Variants in KTN1 observed in about 807,000 individuals in gnomAD.
The protein encoded by KTN1 is kinectin.
A neutral mutation model predicts 222.5 loss-of-function variants in KTN1; 130 were observed. The observed-to-expected ratio is 0.58, with a 90% CI of 0.51 to 0.68. The LOEUF (loss-of-function observed/expected upper bound fraction) is 0.68, where lower values mean the gene tolerates loss of function less well. KTN1 is among the 30% of genes least tolerant of loss of function. KTN1 has a pLI of 0.00. For synonymous variants in KTN1, 512 were observed against 496.3 expected, an observed-to-expected ratio of 1.03 and a Z score of -0.42; for missense variants, 1,508 against 1,500.4, an observed-to-expected ratio of 1.01 and a Z score of -0.08.
intron 29 of KTN1, among the ~76,000 whole-genome samples, chr14:55,657,943 A>G (rs2043677756): frequency 6.6e-6 from 1 of 152,028 alleles, no homozygotes; most frequent in Non-Finnish European, 1.5e-5. Flanking sequence ...TTTTCTTCTA[A>G]TGTGTTTATA....
chr14:55,601,852 C>T (rs955214415), intron 1 of KTN1: 2 of 152,154 alleles, frequency 1.3e-5, no homozygotes, highest in Non-Finnish European at 2.9e-5. Flanking sequence ...TTCTCATTGC[C>T]TCAGCCTCCT....
In KTN1 at chr14:55,618,031, T is replaced by G. The variant is rs2038633234; in HGVS notation, c.729T>G (p.Ser243Arg). ...CTTTGATGGATAATGCTGACTCAAG[T>G]CCTGTGGTAGATAAGAGAGAGGTTA... is the stretch of plus-strand genomic sequence containing the variant. ...YIPLMDNADS[S>R]PVVDKREVID... is the part of the protein sequence containing the mutation. The change falls in exon 4 of 44, where the codon AGT (serine) becomes AGG (arginine). Residue 243 changes from serine (S) to arginine (R), a missense_variant. By Grantham distance (110) the Ser-to-Arg change is moderately radical. Coordinates refer to ENST00000395314, the MANE Select transcript of KTN1 (RefSeq NM_001079521.2). 1.2e-6 allele frequency: 2 copies of G among 1,612,582 alleles called. No individual in the cohort carries two copies. Among genetic ancestry groups the G allele is most frequent in the Non-Finnish European group, 8.5e-7 (1 of 1,178,890 alleles).
At chr14:55,652,748 C>G in intron 25 of KTN1, 102 bp from the exon 26 acceptor site, 1 of 714,880 alleles carries the variant, frequency 1.4e-6, no homozygotes, top group Non-Finnish European at 2.4e-6. Context: ...ATCAGCTGGT[C>G]TGTGAGTACT....
rs1175232948 is a variant in KTN1, at chr14:55,612,476, T to C, written c.428T>C (p.Val143Ala). Residue 143 changes from valine to alanine, a missense_variant, in exon 2 of 44, where the codon GTA becomes GCA. By Grantham distance (64) the Val-to-Ala change is moderately conservative. Coordinates refer to ENST00000395314, the MANE Select transcript of KTN1 (RefSeq NM_001079521.2). ...SDASKIPGKK[V>A]EPVPVTKQPT... ...GCATCAAAGATTCCTGGCAAAAAAG[T>C]AGAACCTGTCCCAGTTACTAAACAG... 2 of 1,614,056 alleles carry C rather than the reference T, an allele frequency of 1.2e-6. No individual in the cohort carries two copies. Among genetic ancestry groups the C allele is most frequent in the Non-Finnish European group, 1.7e-6 (2 of 1,179,964 alleles).
intron 1 of KTN1, among the ~76,000 whole-genome samples, chr14:55,606,823 T>A (rs1226529404): frequency 6.6e-6 from 1 of 152,170 alleles, no homozygotes; most frequent in Admixed American, 6.5e-5. Context: ...TAATCTCCCT[T>A]CAAAAAATGT....
At chr14:55,583,080 C>T (rs777582216) in intron 1 of KTN1, among the ~76,000 whole-genome samples, 43 of 152,086 alleles carry the variant, frequency 2.8e-4, no homozygotes, top group Non-Finnish European at 3.8e-4. Context: ...AGAATATAAG[C>T]CTTTTTCCCT....
rs1156261023 is a variant in KTN1 at position 55,639,943 on chromosome 14, G to C, written c.1854G>C (p.Gln618His). 6.2e-7 allele frequency: 1 copy of C among 1,607,772 alleles called. No homozygotes were observed. The highest frequency in any genetic ancestry group is 8.5e-7 in the Non-Finnish European group (1 of 1,175,020). The change falls in exon 14 of 44, where the codon CAG becomes CAC. Residue 618 changes from glutamine (Q) to histidine (H), a missense_variant. Gln to His is a conservative substitution (Grantham distance 24). Coordinates refer to ENST00000395314, the MANE Select transcript of KTN1 (RefSeq NM_001079521.2). Reference protein sequence around the residue: ...VIAEKDKQIKQTEDSLASERD... With the variant: ...VIAEKDKQIKHTEDSLASERD... Reference sequence around the variant, plus strand: ...CAGAAAAGGATAAGCAGATAAAACAGACTGAAGATTCTTTAGCAAGTGAAC... The same window carrying C: ...CAGAAAAGGATAAGCAGATAAAACACACTGAAGATTCTTTAGCAAGTGAAC...
At chr14:55,583,967 G>T (rs1171780264) in intron 1 of KTN1, among the ~76,000 whole-genome samples, 2 of 152,122 alleles carry the variant, frequency 1.3e-5, no homozygotes, top group Admixed American at 6.5e-5. Context: ...AGTACTTACT[G>T]CTTCCACTGC....
chr14:55,648,513 A>C (rs2042618936), intron 20 of KTN1, among the ~76,000 whole-genome samples: 1 of 152,240 alleles, frequency 6.6e-6, no homozygotes, highest in Non-Finnish European at 1.5e-5. Flanking sequence ...ATTTGAATGT[A>C]GGGAGAGGAG....
intron 1 of KTN1, among the ~76,000 whole-genome samples, chr14:55,586,689 C>T (rs1403547093): frequency 6.6e-6 from 1 of 152,018 alleles, no homozygotes; most frequent in Non-Finnish European, 1.5e-5. Flanking sequence ...ATCCCCCTCC[C>T]CCCCATAGGA....
chr14:55,663,755 C>T, intron 32 of KTN1, 200 bp from the exon 33 acceptor site: 1 of 505,440 alleles, frequency 2.0e-6, no homozygotes, highest in Non-Finnish European at 3.5e-6. Flanking sequence ...TATACTAAAA[C>T]ATGGAAAGTG....
Position 55,641,712 on chromosome 14 carries a change from A to C in KTN1, c.2124A>C (p.Lys708Asn), listed in dbSNP as rs145880665. 6.6e-4 allele frequency: 1,056 copies of C among 1,601,930 alleles called. No homozygotes were observed. The highest frequency in any genetic ancestry group is 1.8e-3 in the Middle Eastern group (11 of 6,026). ...EEFKILNDQN[K>N]ALKSEVQKLQ... ...TCCAGATTCTAAATGACCAAAACAA[A>C]GCATTAAAATCAGAAGTTCAGAAGC... Residue 708 changes from lysine to asparagine, a missense_variant, in exon 18 of 44, where the codon AAA becomes AAC. Coordinates refer to ENST00000395314, the MANE Select transcript of KTN1 (RefSeq NM_001079521.2).
chr14:55,602,835 C>T (rs902215832), intron 1 of KTN1, among the ~76,000 whole-genome samples: 1 of 152,188 alleles, frequency 6.6e-6, no homozygotes, highest in African/African-American at 2.4e-5. Context: ...TCTCCTTGGC[C>T]TCCCAGAGTG....
chr14:55,631,355 T>G (rs558439308), intron 7 of KTN1, among the ~76,000 whole-genome samples: 2 of 142,434 alleles, frequency 1.4e-5, no homozygotes, highest in East Asian at 4.1e-4. Context: ...TATATATATA[T>G]ATATATATAT....
intron 10 of KTN1, 59 bp downstream of exon 10, chr14:55,636,595 C>T (rs557877244): frequency 2.4e-6 from 3 of 1,235,460 alleles, no homozygotes; most frequent in African/African-American, 3.0e-5. Flanking sequence ...AATTTCCTCT[C>T]TCTTCCATCT....
chr14:55,663,799 A>G (rs1020268377), intron 32 of KTN1, 156 bp from the exon 33 acceptor site: 2 of 570,314 alleles, frequency 3.5e-6, no homozygotes, highest in African/African-American at 3.8e-5. Context: ...ACTTCTAAAC[A>G]TTGCTTTTTA....
intron 18 of KTN1, among the ~76,000 whole-genome samples, chr14:55,646,436 CT>C (rs199500080): frequency 3.1e-5 from 3 of 96,874 alleles, no homozygotes; most frequent in African/African-American, 4.3e-5. Context: ...CCTTCCTTTC[CT>C]TTCCTTTTCC....
At chr14:55,591,863 A>C (rs2034213811) in intron 1 of KTN1, among the ~76,000 whole-genome samples, 3 of 152,152 alleles carry the variant, frequency 2.0e-5, no homozygotes, top group Non-Finnish European at 4.4e-5. Context: ...GGCGTGAGCC[A>C]CTGCACCTGG....
chr14:55,665,811 ACTG>A (rs1352352423), intron 33 of KTN1, among the ~76,000 whole-genome samples: 1 of 152,028 alleles, frequency 6.6e-6, no homozygotes, highest in East Asian at 1.9e-4. Flanking sequence ...TAACCAAACT[ACTG>A]TGTCAGATGA....
Sources: allele counts gnomAD v4.1 joint callset (sites outside exome capture counted in the v4.1 genomes callset), GRCh38; gene constraint gnomAD v4.1.1; transcripts MANE v1.5; gene names NCBI Gene and HGNC (gene_info 2026-07-23, HGNC 2026-07-21).